DPYS: variants seen among roughly 807,000 people sequenced by gnomAD.
The protein encoded by DPYS is dihydropyrimidine amidohydrolase.
Under a neutral mutation model 50.3 loss-of-function variants are expected in DPYS, and 39 were observed. The ratio of observed to expected loss-of-function variants is 0.78; its 90% CI spans 0.60 to 1.01. The LOEUF is 1.01. Ranked by LOEUF, DPYS falls within the 50% of genes least tolerant of loss-of-function variation. The probability of loss-of-function intolerance (pLI) is 0.00; values close to 1 mark genes in which losing one functional copy is unlikely to be tolerated. For missense variants in DPYS, 659 were observed against 680.9 expected (o/e 0.97, Z 0.36); for synonymous variants, 245 against 250.7 (o/e 0.98, Z 0.22).
chr8:104,402,364 C>A (rs1304162628), intron 7 of DPYS, among the ~76,000 whole-genome samples: 1 of 152,188 alleles, frequency 6.6e-6, no homozygotes, highest in Non-Finnish European at 1.5e-5. Context: ...CTTTAAGGAA[C>A]AGGAACTGAA....
At chr8:104,410,430 C>G (rs1435469916) in intron 7 of DPYS, among the ~76,000 whole-genome samples, 4 of 151,894 alleles carry the variant, frequency 2.6e-5, no homozygotes, top group African/African-American at 9.7e-5. Flanking sequence ...AGGCCAACAC[C>G]TTTGACCAAA....
chr8:104,416,623 G>A (rs1252165456), intron 7 of DPYS, among the ~76,000 whole-genome samples: 2 of 152,048 alleles, frequency 1.3e-5, no homozygotes, highest in African/African-American at 4.8e-5. Context: ...ACTGTTATGA[G>A]CAGGAACACA....
chr8:104,421,914 A>G (rs1009708367), intron 7 of DPYS, among the ~76,000 whole-genome samples: 1 of 152,364 alleles, frequency 6.6e-6, no homozygotes, highest in African/African-American at 2.4e-5. Context: ...CTAAATTTAT[A>G]TAGTCTAAAA....
intron 7 of DPYS, among the ~76,000 whole-genome samples, chr8:104,409,535 A>G (rs1203032813): frequency 6.6e-6 from 1 of 152,170 alleles, no homozygotes; most frequent in South Asian, 2.1e-4. Context: ...AATATGCAGG[A>G]CAGGAAATGT....
chr8:104,441,792 A>G (rs968913835), intron 4 of DPYS, among the ~76,000 whole-genome samples: 1 of 152,254 alleles, frequency 6.6e-6, no homozygotes, highest in Non-Finnish European at 1.5e-5. Context: ...GTTTCTCTTG[A>G]AACAGCTAAA....
At chr8:104,403,381 G>A (rs531482452) in intron 7 of DPYS, among the ~76,000 whole-genome samples, 3 of 152,086 alleles carry the variant, frequency 2.0e-5, no homozygotes, top group African/African-American at 4.8e-5. Flanking sequence ...CTTGGAATCC[G>A]TGAGGCCAAG....
intron 4 of DPYS, among the ~76,000 whole-genome samples, chr8:104,430,282 C>T (rs982432967): frequency 1.3e-5 from 2 of 151,180 alleles, no homozygotes; most frequent in Admixed American, 6.6e-5. Flanking sequence ...CCTCAAAAAA[C>T]GTGTATTAAA....
At chr8:104,434,246 A>G (rs991368920) in intron 4 of DPYS, among the ~76,000 whole-genome samples, 1 of 152,336 alleles carries the variant, frequency 6.6e-6, no homozygotes, top group East Asian at 1.9e-4. Context: ...GGGGCGGTGG[A>G]GACCAAAGTT....
At chr8:104,380,981 C>G (rs1811011516) in intron 9 of DPYS, 1 of 527,436 alleles carries the variant, frequency 1.9e-6, no homozygotes, top group Admixed American at 3.1e-5. Context: ...TAAAGAATGA[C>G]TCTCTAGCAA....
chr8:104,381,869 CA>C (rs907091912), intron 8 of DPYS, among the ~76,000 whole-genome samples: 5 of 117,616 alleles, frequency 4.3e-5, no homozygotes, highest in African/African-American at 1.8e-4. Flanking sequence ...CACACACACA[CA>C]CACACACACA....
At chr8:104,450,328 T>C (rs2140731522) in intron 2 of DPYS, among the ~76,000 whole-genome samples, 1 of 152,324 alleles carries the variant, frequency 6.6e-6, no homozygotes, top group African/African-American at 2.4e-5. Flanking sequence ...TTTGCTGAAC[T>C]ACCTGTTAAA....
chr8:104,414,466 A>G (rs57520778), intron 7 of DPYS, among the ~76,000 whole-genome samples: 24,454 of 151,988 alleles, frequency 0.16, 2,167 homozygotes, highest in East Asian at 0.3. Context: ...TGATGTTGCT[A>G]GTCCAGAAAC....
intron 1 of DPYS, among the ~76,000 whole-genome samples, chr8:104,462,281 G>A (rs922758994): frequency 2.0e-5 from 3 of 152,072 alleles, no homozygotes; most frequent in East Asian, 1.9e-4. Flanking sequence ...AAGCCCAGCC[G>A]GGAGCTCTGG....
At chr8:104,458,721 T>G (rs956829118) in intron 1 of DPYS, among the ~76,000 whole-genome samples, 1 of 152,202 alleles carries the variant, frequency 6.6e-6, no homozygotes, top group African/African-American at 2.4e-5. Context: ...AAGTTGCGTG[T>G]TAGTGTGAAA....
At chr8:104,409,225 C>T (rs1812094928) in intron 7 of DPYS, among the ~76,000 whole-genome samples, 1 of 151,588 alleles carries the variant, frequency 6.6e-6, no homozygotes, top group Non-Finnish European at 1.5e-5. Context: ...TGGCTCATGC[C>T]TATAATCCCA....
chr8:104,401,942 G>T (rs1211952388), intron 7 of DPYS, among the ~76,000 whole-genome samples: 2 of 152,156 alleles, frequency 1.3e-5, no homozygotes, highest in African/African-American at 4.8e-5. Context: ...AATTGCTTCA[G>T]CCACGTTATT....
chr8:104,451,414 T>A lies in DPYS; in HGVS notation c.265-10A>T. The A allele has an allele frequency of 6.2e-7, 1 of 1,614,036 alleles. No individual in the cohort carries two copies. Among genetic ancestry groups the A allele is most frequent in the Non-Finnish European group, 8.5e-7 (1 of 1,179,978 alleles). On this transcript the variant is annotated splice_polypyrimidine_tract_variant and intron_variant, in intron 1 of 9. Transcript: ENST00000351513. ...CTCCTGAGAGAGCAGCCTGGAATCA[T>A]AAGAGGTTTTCAACAAATTAGCTAT...
chr8:104,409,652 T>A (rs1026463983), intron 7 of DPYS, among the ~76,000 whole-genome samples: 1 of 152,188 alleles, frequency 6.6e-6, no homozygotes, highest in African/African-American at 2.4e-5. Context: ...GTCATTTACT[T>A]TGGTATCTCC....
chr8:104,443,133 G>A (rs1184459116), intron 4 of DPYS, among the ~76,000 whole-genome samples: 1 of 152,192 alleles, frequency 6.6e-6, no homozygotes, highest in Non-Finnish European at 1.5e-5. Flanking sequence ...TTATAACACT[G>A]TCTCTGATTA....
Sources: gnomAD v4.1 joint callset for allele counts (sites outside exome capture counted in the v4.1 genomes callset) on GRCh38, gnomAD v4.1.1 for gene constraint, MANE v1.5 for transcripts, NCBI Gene and HGNC (gene_info 2026-07-23, HGNC 2026-07-21) for gene names.